GALNT1: variants seen among roughly 807,000 people sequenced by gnomAD.
GALNT1 encodes the protein polypeptide N-acetylgalactosaminyltransferase 1.
GALNT1 carries 17 observed loss-of-function variants against 65.7 expected under a neutral mutation model. That is an observed-to-expected ratio of 0.26 (90% confidence interval 0.18 to 0.39). The LOEUF (loss-of-function observed/expected upper bound fraction) is 0.39. GALNT1 is among the 10% of genes least tolerant of loss of function. The pLI is 1.00. For missense variants in GALNT1, 460 were observed against 672.8 expected (o/e 0.68, Z 3.50); for synonymous variants, 210 against 219.7 (o/e 0.96, Z 0.39).
chr18:35,633,474 C>T (rs142586980), intron 1 of GALNT1, among the ~76,000 whole-genome samples: 1,931 of 144,112 alleles, frequency 0.013, 43 homozygotes, highest in African/African-American at 0.048. Context: ...TGTTCTCACT[C>T]ATAGGTGGGA....
At chr18:35,679,261 A>G (rs749229166) in intron 4 of GALNT1, among the ~76,000 whole-genome samples, 1 of 152,234 alleles carries the variant, frequency 6.6e-6, no homozygotes, top group Non-Finnish European at 1.5e-5. Flanking sequence ...TTACGTGTCA[A>G]TATTTGCTAG....
intron 11 of GALNT1, among the ~76,000 whole-genome samples, chr18:35,707,506 G>C (rs889377970): frequency 3.3e-5 from 5 of 152,282 alleles, no homozygotes; most frequent in East Asian, 1.9e-4. Flanking sequence ...TCTGGAACAG[G>C]GTTCTCCACC....
At chr18:35,667,157 T>C (rs888641150) in intron 3 of GALNT1, among the ~76,000 whole-genome samples, 2 of 152,190 alleles carry the variant, frequency 1.3e-5, no homozygotes, top group African/African-American at 4.8e-5. Context: ...CATCTTGCAC[T>C]AAGATTGGTC....
At chr18:35,680,399 G>A (rs1446160204) in intron 4 of GALNT1, among the ~76,000 whole-genome samples, 2 of 152,100 alleles carry the variant, frequency 1.3e-5, no homozygotes, top group Non-Finnish European at 2.9e-5. Flanking sequence ...TCTAACCAGG[G>A]TTTGAATTAC....
At chr18:35,628,384 T>A (rs979703685) in intron 1 of GALNT1, among the ~76,000 whole-genome samples, 1 of 152,132 alleles carries the variant, frequency 6.6e-6, no homozygotes, top group Non-Finnish European at 1.5e-5. Context: ...AGAGGAACAA[T>A]CAGGCAGCAA....
chr18:35,625,148 T>G (rs2046900038), intron 1 of GALNT1, among the ~76,000 whole-genome samples: 1 of 152,192 alleles, frequency 6.6e-6, no homozygotes, highest in Non-Finnish European at 1.5e-5. Flanking sequence ...GGCTCAAGTA[T>G]GAAAAACATA....
chr18:35,631,381 G>A (rs2047006875), intron 1 of GALNT1, among the ~76,000 whole-genome samples: 1 of 152,112 alleles, frequency 6.6e-6, no homozygotes, highest in African/African-American at 2.4e-5. Flanking sequence ...CTTCATCCCT[G>A]GGATGCAAGG....
rs746621854 is a variant in GALNT1 at position 35,663,679 on chromosome 18, C to G, written c.191C>G (p.Pro64Arg). ...GAAGGTCCTGGAGAAATGGGGAAAC[C>G]AGTCGTCATTCCTAAAGAGGATCAA... The part of the protein sequence containing the change: ...PHEGPGEMGK[P>R]VVIPKEDQEK... The change falls in exon 3 of 12, where the codon CCA (proline) becomes CGA (arginine). Residue 64 changes from proline (P) to arginine (R), a missense_variant. Transcript: ENST00000269195. 8.1e-6 allele frequency: 13 copies of G among 1,613,908 alleles called. No homozygotes were observed. The highest frequency in any genetic ancestry group is 1.1e-5 in the Non-Finnish European group (13 of 1,179,926).
At chr18:35,633,407 AG>A (rs1291732800) in intron 1 of GALNT1, among the ~76,000 whole-genome samples, 2 of 152,146 alleles carry the variant, frequency 1.3e-5, no homozygotes, top group Non-Finnish European at 2.9e-5. Flanking sequence ...ACATGGATGA[AG>A]CTGGAAACCA....
chr18:35,630,811 A>G (rs1274551511), intron 1 of GALNT1, among the ~76,000 whole-genome samples: 1 of 152,352 alleles, frequency 6.6e-6, no homozygotes, highest in South Asian at 2.1e-4. Flanking sequence ...CGCTAGCAAG[A>G]CTAATAAAGA....
chr18:35,596,804 A>G (rs1401593934), intron 1 of GALNT1: 1 of 152,282 alleles, frequency 6.6e-6, no homozygotes, highest in Admixed American at 6.5e-5. Flanking sequence ...TGTATTTACT[A>G]GAACATCTTT....
chr18:35,650,621 C>A (rs476409), intron 1 of GALNT1, among the ~76,000 whole-genome samples: 1 of 152,198 alleles, frequency 6.6e-6, no homozygotes. Context: ...CCTTGGGAAA[C>A]CATTCTCTTT....
rs770648350 is a variant in GALNT1 at position 35,691,113 on chromosome 18, G to A, written c.1080G>A (p.Gln360=). ...TPYTFPGGTG[Q]IINKNNRRLA... is the part of the protein sequence containing the mutation. ...ACACGTTTCCAGGAGGCACAGGGCA[G>A]ATTATCAATAAAAATAACAGACGAC... Residue 360 remains glutamine, a synonymous_variant, in exon 8 of 12, where the codon CAG becomes CAA. Transcript: ENST00000269195. The A allele has an allele frequency of 4.3e-6, 7 of 1,613,232 alleles. No homozygotes were observed. The South Asian group carries it at 6.6e-5, about 15-fold the overall frequency.
chr18:35,702,160 C>T (rs2048175791), intron 9 of GALNT1, among the ~76,000 whole-genome samples: 1 of 152,108 alleles, frequency 6.6e-6, no homozygotes, highest in African/African-American at 2.4e-5. Flanking sequence ...GTGGTTTTAA[C>T]TTTACCCCTA....
intron 1 of GALNT1, among the ~76,000 whole-genome samples, chr18:35,604,013 T>G (rs1322635242): frequency 6.6e-6 from 1 of 152,182 alleles, no homozygotes; most frequent in Non-Finnish European, 1.5e-5. Flanking sequence ...GTGTGCAGAT[T>G]CTTTCATCAC....
intron 1 of GALNT1, among the ~76,000 whole-genome samples, chr18:35,618,243 AAAT>A (rs1343028646): frequency 1.3e-5 from 2 of 152,248 alleles, no homozygotes; most frequent in Admixed American, 6.5e-5. Context: ...TAAACCTGTA[AAAT>A]AATCTTGTAT....
chr18:35,625,359 A>G (rs2046902863), intron 1 of GALNT1, among the ~76,000 whole-genome samples: 1 of 152,014 alleles, frequency 6.6e-6, no homozygotes, highest in African/African-American at 2.4e-5. Context: ...CATGGTCAGA[A>G]AAGTAGGAGA....
chr18:35,658,752 C>T (rs2047433533), intron 2 of GALNT1, among the ~76,000 whole-genome samples: 1 of 151,382 alleles, frequency 6.6e-6, no homozygotes, highest in Non-Finnish European at 1.5e-5. Context: ...CTCTGTCACC[C>T]AGGCTGGAGT....
At chr18:35,645,458 C>T (rs1298385425) in intron 1 of GALNT1, among the ~76,000 whole-genome samples, 1 of 152,052 alleles carries the variant, frequency 6.6e-6, no homozygotes, top group Admixed American at 6.5e-5. Context: ...TGGTCTCGAT[C>T]TCCTGACCTC....
Sources: gnomAD v4.1 joint callset for allele counts (sites outside exome capture counted in the v4.1 genomes callset) on GRCh38, gnomAD v4.1.1 for gene constraint, MANE v1.5 for transcripts, NCBI Gene and HGNC (gene_info 2026-07-23, HGNC 2026-07-21) for gene names.